Variants in SFMBT1 observed in about 807,000 individuals in gnomAD.
SFMBT1 encodes the protein scm-like with four MBT domains protein 1.
A neutral mutation model predicts 108.7 loss-of-function variants in SFMBT1; 32 were observed. That is an observed-to-expected ratio of 0.29 (90% confidence interval 0.22 to 0.40). The LOEUF is 0.40. SFMBT1 is among the 10% of genes least tolerant of loss of function. The pLI, the probability that SFMBT1 is intolerant of heterozygous loss-of-function variation, is 1.00. For missense variants in SFMBT1, 816 were observed against 1,059.6 expected (o/e 0.77, Z 3.19); for synonymous variants, 348 against 369.5 (o/e 0.94, Z 0.67).
intron 14 of SFMBT1, among the ~76,000 whole-genome samples, chr3:52,915,429 C>T (rs748881944): frequency 6.6e-5 from 10 of 152,196 alleles, no homozygotes; most frequent in Non-Finnish European, 1.3e-4. Flanking sequence ...GTACAAGAGA[C>T]GGAAGTACGG....
chr3:52,907,232 T>C lies in SFMBT1; in HGVS notation c.2168A>G (p.Asp723Gly), dbSNP rs1702086987. ...LSEGSTSEQQDELQEESEMSE... is the reference protein window; with the variant it reads ...LSEGSTSEQQGELQEESEMSE... ...CATTTCTGATTCTTCCTGTAGCTCA[T>C]CCTGCTGCTCGGATGTACTGCCTTC... The change falls in exon 19 of 21, where the codon GAT (aspartate) becomes GGT (glycine). Residue 723 changes from aspartate (D) to glycine (G), a missense_variant. Coordinates refer to ENST00000394752, the MANE Select transcript of SFMBT1 (RefSeq NM_016329.4). The C allele has an allele frequency of 1.9e-6, 3 of 1,614,150 alleles. No individual in the cohort carries two copies. The East Asian group carries it at 6.7e-5, about 36-fold the overall frequency.
intron 3 of SFMBT1, among the ~76,000 whole-genome samples, chr3:52,945,135 T>TCAAAAAAAAAAAAAAAAAAAAAAAAA (rs1559521010): frequency 5.8e-5 from 1 of 17,336 alleles, no homozygotes; most frequent in African/African-American, 1.6e-4. Context: ...CACCTTCCAA[T>TCAAAAAAAAAAAAAAAAAAAAAAAAA]TAAAAAAAAA....
chr3:52,917,238 T>A (rs1702384714), intron 13 of SFMBT1, among the ~76,000 whole-genome samples: 1 of 152,238 alleles, frequency 6.6e-6, no homozygotes, highest in African/African-American at 2.4e-5. Flanking sequence ...ATATACAGAA[T>A]TGTTTCCTCC....
intron 1 of SFMBT1, among the ~76,000 whole-genome samples, chr3:52,971,821 T>A (rs1704354515): frequency 6.6e-6 from 1 of 152,118 alleles, no homozygotes; most frequent in Non-Finnish European, 1.5e-5. Flanking sequence ...GGAGGACTAT[T>A]CCAGGCACCA....
chr3:52,996,361 C>T (rs1466959599), intron 1 of SFMBT1, among the ~76,000 whole-genome samples: 4 of 148,542 alleles, frequency 2.7e-5, no homozygotes, highest in Non-Finnish European at 6.0e-5. Flanking sequence ...TACAGGCGCA[C>T]GCCACCACAC....
At chr3:52,982,173 A>G (rs1704733371) in intron 1 of SFMBT1, among the ~76,000 whole-genome samples, 1 of 152,142 alleles carries the variant, frequency 6.6e-6, no homozygotes, top group Admixed American at 6.5e-5. Flanking sequence ...CATTACACAC[A>G]TTCCTTTATG....
At chr3:53,038,273 C>T (rs1480528940) in intron 1 of SFMBT1, among the ~76,000 whole-genome samples, 1 of 152,178 alleles carries the variant, frequency 6.6e-6, no homozygotes, top group Non-Finnish European at 1.5e-5. Context: ...ACTACCGTGG[C>T]TCTATGCTCT....
At chr3:52,909,543 T>G (rs137967072) in intron 17 of SFMBT1, among the ~76,000 whole-genome samples, 1 of 152,324 alleles carries the variant, frequency 6.6e-6, no homozygotes, top group Non-Finnish European at 1.5e-5. Context: ...TTGTTGGAAA[T>G]GCAGATAGAT....
At chr3:53,038,695 A>ACTTT (rs1274631462) in intron 1 of SFMBT1, among the ~76,000 whole-genome samples, 1 of 152,246 alleles carries the variant, frequency 6.6e-6, no homozygotes, top group Non-Finnish European at 1.5e-5. Flanking sequence ...ATACAGAATT[A>ACTTT]AAGTGATACA....
chr3:52,911,185 T>G lies in SFMBT1; in HGVS notation c.1731-7A>C, dbSNP rs766645462. On this transcript the variant is annotated splice_polypyrimidine_tract_variant and splice_region_variant and intron_variant, in intron 16 of 20. Coordinates refer to ENST00000394752, the MANE Select transcript of SFMBT1 (RefSeq NM_016329.4). ...ATAACTCTTTCCTTTATATCTGCCA[T>G]TGGAAGACATCAGATGCCAAATATA... The G allele has an allele frequency of 5.0e-6, 8 of 1,592,730 alleles. No individual in the cohort carries two copies. Among genetic ancestry groups the G allele is most frequent in the Non-Finnish European group, 6.8e-6 (8 of 1,169,926 alleles).
intron 17 of SFMBT1, among the ~76,000 whole-genome samples, chr3:52,910,350 A>T (rs1575365338): frequency 6.6e-6 from 1 of 152,338 alleles, no homozygotes; most frequent in East Asian, 1.9e-4. Context: ...AATGAATTAC[A>T]TATCCTATTA....
chr3:52,997,780 T>A lies in SFMBT1; in HGVS notation c.-130-28522A>T, dbSNP rs1043714298. On this transcript the variant is annotated intron_variant, in intron 1 of 20. Transcript: ENST00000394752. Reference sequence around the variant, plus strand: ...TGACCACATTTTGGGGGTAATAAAATGTTCTAAAACTAAATGGTGATGATG... The same window carrying A: ...TGACCACATTTTGGGGGTAATAAAAAGTTCTAAAACTAAATGGTGATGATG... Among the ~76,000 whole-genome samples the A allele has an allele frequency of 1.3e-5, 2 of 150,260 alleles. 1 individual carries two copies. Among genetic ancestry groups the A allele is most frequent in the Admixed American group, 1.3e-4 (2 of 14,904 alleles).
intron 1 of SFMBT1, among the ~76,000 whole-genome samples, chr3:53,026,489 G>A (rs1268761201): frequency 2.6e-5 from 4 of 151,950 alleles, no homozygotes. Flanking sequence ...GCAAATAGAG[G>A]AACTCAACAG....
At position 52,958,143 on chromosome 3, in the gene SFMBT1, G is replaced by A. The variant is rs185737134; in HGVS notation, c.29-3732C>T. Among the ~76,000 whole-genome samples, 24 of 152,142 alleles carry A rather than the reference G, an allele frequency of 1.6e-4. No individual in the cohort carries two copies. The East Asian group carries it at 3.9e-3, about 24-fold the overall frequency. The stretch of plus-strand genomic sequence containing the variant: ...AAACCCAACAACCCCATTAAAAAGC[G>A]GACAAAGGACATGAACAGACACCTT... On this transcript the variant is annotated intron_variant, in intron 2 of 20. Coordinates refer to ENST00000394752, the MANE Select transcript of SFMBT1 (RefSeq NM_016329.4).
At chr3:53,030,260 T>C (rs1256252093) in intron 1 of SFMBT1, among the ~76,000 whole-genome samples, 1 of 152,146 alleles carries the variant, frequency 6.6e-6, no homozygotes, top group Non-Finnish European at 1.5e-5. Flanking sequence ...ATATCACCAT[T>C]TGAGTTTTTT....
chr3:52,979,386 T>C (rs1704628214), intron 1 of SFMBT1, among the ~76,000 whole-genome samples: 1 of 152,236 alleles, frequency 6.6e-6, no homozygotes, highest in South Asian at 2.1e-4. Context: ...GTGTTCCTAA[T>C]CAGTAGGCAA....
At chr3:52,916,061 C>A in intron 14 of SFMBT1, 89 bp downstream of exon 14, 1 of 1,077,432 alleles carries the variant, frequency 9.3e-7, no homozygotes, top group South Asian at 1.3e-5. Flanking sequence ...ACATACTATA[C>A]ATCAAATGTA....
intron 2 of SFMBT1, among the ~76,000 whole-genome samples, chr3:52,963,138 C>T (rs7652131): frequency 0.24 from 36,618 of 151,476 alleles, 4,722 homozygotes; most frequent in Admixed American, 0.36. Flanking sequence ...GGATTACAGG[C>T]GCATACCACC....
At chr3:52,924,063 C>T (rs1702590679) in intron 10 of SFMBT1, among the ~76,000 whole-genome samples, 1 of 152,138 alleles carries the variant, frequency 6.6e-6, no homozygotes, top group Non-Finnish European at 1.5e-5. Context: ...AGTTAGAAAA[C>T]AACTGAGCAA....
Sources: gnomAD v4.1 joint callset for allele counts (sites outside exome capture counted in the v4.1 genomes callset) on GRCh38, gnomAD v4.1.1 for gene constraint, MANE v1.5 for transcripts, NCBI Gene and HGNC (gene_info 2026-07-23, HGNC 2026-07-21) for gene names.